The following RUFY1 variants were observed in gnomAD, a reference collection of about 807,000 sequenced individuals.
RUFY1 encodes RUN and FYVE domain-containing protein 1.
In RUFY1, 54 loss-of-function variants were observed where a neutral mutation model predicts 94.6. The ratio of observed to expected loss-of-function variants is 0.57; its 90% CI spans 0.46 to 0.72. The LOEUF is 0.72. Ranked by LOEUF, RUFY1 falls within the 30% of genes least tolerant of loss-of-function variation. The pLI is 0.00. For synonymous variants in RUFY1, 396 were observed against 347.3 expected, an observed-to-expected ratio of 1.14 and a Z score of -1.56; for missense variants, 883 against 883.9, an observed-to-expected ratio of 1.00 and a Z score of 0.01.
rs1362968100 is a variant in RUFY1, at chr5:179,550,778, C to G, written c.209C>G (p.Ala70Gly). 1.2e-5 allele frequency: 16 copies of G among 1,385,578 alleles called. No individual in the cohort carries two copies. Among genetic ancestry groups the G allele is most frequent in the South Asian group, 1.5e-5 (1 of 65,112 alleles). The allele number at this position is 1,385,578 out of a possible 1,614,324, so 85.8% of individuals were successfully genotyped here. A position where few individuals can be genotyped will look rare whatever the true frequency, so the allele number is the denominator to read the frequency against. ...TGGTCGGCGCCCATCCTGACCCTGGCACGCAGGGCCACCGGGAACCTGTCG... is the reference window on the plus strand; with the variant it reads ...TGGTCGGCGCCCATCCTGACCCTGGGACGCAGGGCCACCGGGAACCTGTCG... ...EGWSAPILTLARRATGNLSAS... is the reference protein window; with the variant it reads ...EGWSAPILTLGRRATGNLSAS... The change falls in exon 1 of 18, where the codon GCA becomes GGA. Residue 70 changes from alanine (A) to glycine (G), a missense_variant. Ala to Gly is a moderately conservative substitution (Grantham distance 60, BLOSUM62 0). Transcript: ENST00000319449.
At chr5:179,593,072 T>C (rs28639796) in intron 10 of RUFY1, among the ~76,000 whole-genome samples, 13,129 of 152,070 alleles carry the variant, frequency 0.086, 1,753 homozygotes, top group East Asian at 0.63. Flanking sequence ...TTCAGTTTGT[T>C]TGTTTTGTTT....
intron 7 of RUFY1, among the ~76,000 whole-genome samples, chr5:179,584,756 T>C (rs1764460568): frequency 1.3e-5 from 2 of 149,450 alleles, no homozygotes; most frequent in South Asian, 2.2e-4. Context: ...AGCAAGACCC[T>C]GTTTCAAAAA....
chr5:179,569,745 TTTG>T (rs148539612), intron 5 of RUFY1, among the ~76,000 whole-genome samples: 13,474 of 151,882 alleles, frequency 0.089, 674 homozygotes, highest in Middle Eastern at 0.13. Context: ...GTGTAGCTTT[TTTG>T]TTGTTGTTTT....
At chr5:179,560,520 C>T (rs1762366947) in intron 2 of RUFY1, among the ~76,000 whole-genome samples, 3 of 150,860 alleles carry the variant, frequency 2.0e-5, no homozygotes, top group Admixed American at 1.3e-4. Flanking sequence ...GATATCGAGA[C>T]CATCCTGGCT....
rs6883330 is a variant in RUFY1, at chr5:179,575,560, C to A, written c.829-1515C>A. ...TTTTAACCTAGCTGCAGAAGTCACA[C>A]GGCATCATTTCTACTGCATTTTACT... On this transcript the variant is annotated intron_variant, in intron 5 of 17. Transcript: ENST00000319449. Among the ~76,000 whole-genome samples, 1,386 of 152,210 alleles carry A rather than the reference C, an allele frequency of 9.1e-3. 24 individuals carry two copies. The highest frequency in any genetic ancestry group is 0.03 in the African/African-American group (1,236 of 41,522).
At position 179,560,058 on chromosome 5, in the gene RUFY1, A is replaced by T. The variant is rs757645958; in HGVS notation, c.344A>T (p.Asn115Ile). ...SKCQMMEERA[N>I]LMHMMKLSIK... is the part of the protein sequence containing the mutation. Reference sequence around the variant, plus strand: ...TGCCAGATGATGGAGGAGCGTGCCAACCTGATGCACATGATGAAACTCAGC... The same window carrying T: ...TGCCAGATGATGGAGGAGCGTGCCATCCTGATGCACATGATGAAACTCAGC... The change falls in exon 2 of 18, where the codon AAC becomes ATC. Residue 115 changes from asparagine (N) to isoleucine (I), a missense_variant. Asn to Ile is a moderately radical substitution (Grantham distance 149). Transcript: ENST00000319449. The T allele has an allele frequency of 1.2e-6, 2 of 1,613,816 alleles. No individual in the cohort carries two copies. Among genetic ancestry groups the T allele is most frequent in the Non-Finnish European group, 1.7e-6 (2 of 1,179,992 alleles).
chr5:179,579,657 C>CTTCTTTTTTTTTTTTTTTTTTTTTTT (rs1433456916), intron 6 of RUFY1, among the ~76,000 whole-genome samples: 2 of 50,548 alleles, frequency 4.0e-5, no homozygotes, highest in African/African-American at 6.1e-5. Flanking sequence ...TTTTCTTCTT[C>CTTCTTTTTTTTTTTTTTTTTTTTTTT]TTTTTTTTTT....
chr5:179,600,153 A>G (rs1201553432), intron 14 of RUFY1: 1 of 152,264 alleles, frequency 6.6e-6, no homozygotes, highest in Non-Finnish European at 1.5e-5. Context: ...TAGGAACAAA[A>G]CAATGTCTAA....
chr5:179,601,519 A>T (rs1289408364), intron 14 of RUFY1, among the ~76,000 whole-genome samples: 7 of 149,572 alleles, frequency 4.7e-5, no homozygotes, highest in African/African-American at 1.7e-4. Context: ...CTGGTTGCTG[A>T]ATCTTTTTTT....
chr5:179,609,543 C>G lies in RUFY1; in HGVS notation c.*24C>G. 6.3e-7 allele frequency: 1 copy of G among 1,578,106 alleles called. No individual in the cohort carries two copies. The highest frequency in any genetic ancestry group is 8.6e-7 in the Non-Finnish European group (1 of 1,166,758). On this transcript the variant is annotated 3_prime_UTR_variant, in exon 18 of 18. Coordinates refer to ENST00000319449, the MANE Select transcript of RUFY1 (RefSeq NM_025158.5). ...GAACGTCCGTCCTCAGGAGCACAGC[C>G]TCACGGACAGTGCCAAACCCTGTGG...
At chr5:179,575,268 G>A (rs1427449143) in intron 5 of RUFY1, among the ~76,000 whole-genome samples, 1 of 152,016 alleles carries the variant, frequency 6.6e-6, no homozygotes, top group East Asian at 1.9e-4. Context: ...TCAGCTAGTC[G>A]GTTCTTGTTC....
chr5:179,607,985 G>A (rs551210817), intron 17 of RUFY1, among the ~76,000 whole-genome samples: 1 of 152,186 alleles, frequency 6.6e-6, no homozygotes, highest in African/African-American at 2.4e-5. Context: ...TCTGTATGCG[G>A]CAGGAACAAA....
chr5:179,569,412 A>G lies in RUFY1; in HGVS notation c.815A>G (p.Asp272Gly). ...LDANLCLKGE[D>G]LDSQVGVIDF... is the part of the protein sequence containing the mutation. ...GCCAATCTCTGCTTGAAAGGAGAAG[A>G]CTTGGATTCTCAGGTAAAATGAAAT... Residue 272 changes from aspartate to glycine, a missense_variant, in exon 5 of 18, where the codon GAC (aspartate) becomes GGC (glycine). By Grantham distance (94) the Asp-to-Gly change is moderately conservative (BLOSUM62 -1). Transcript: ENST00000319449. The G allele has an allele frequency of 6.2e-7, 1 of 1,613,292 alleles. No homozygotes were observed. Among genetic ancestry groups the G allele is most frequent in the Non-Finnish European group, 8.5e-7 (1 of 1,179,880 alleles).
chr5:179,595,115 G>A (rs538469820), intron 12 of RUFY1, 152 bp downstream of exon 12: 4 of 591,292 alleles, frequency 6.8e-6, no homozygotes, highest in Non-Finnish European at 1.2e-5. Flanking sequence ...GGCCGACGCG[G>A]GAGGATCACT....
At chr5:179,553,316 G>A (rs550473563) in intron 1 of RUFY1, among the ~76,000 whole-genome samples, 10 of 152,298 alleles carry the variant, frequency 6.6e-5, no homozygotes, top group African/African-American at 1.9e-4. Flanking sequence ...CTGTAGTAAG[G>A]GGGAGTCTGA....
intron 16 of RUFY1, chr5:179,607,277 A>G: frequency 2.4e-6 from 1 of 414,336 alleles, no homozygotes. Flanking sequence ...TACTTCAGCC[A>G]AAGGGAACTG....
chr5:179,566,681 T>C (rs1762856769), intron 3 of RUFY1, among the ~76,000 whole-genome samples: 1 of 152,002 alleles, frequency 6.6e-6, no homozygotes, highest in Admixed American at 6.6e-5. Flanking sequence ...TTAACACTAC[T>C]TAACTGTAAG....
chr5:179,577,219 TG>T, intron 6 of RUFY1, 83 bp downstream of exon 6: 1 of 811,100 alleles, frequency 1.2e-6, no homozygotes, highest in Non-Finnish European at 1.9e-6. Flanking sequence ...TCGCCCAGGC[TG>T]GAGTCCAGTG....
At chr5:179,575,226 CTG>C (rs1344127332) in intron 5 of RUFY1, among the ~76,000 whole-genome samples, 1 of 152,178 alleles carries the variant, frequency 6.6e-6, no homozygotes, top group Non-Finnish European at 1.5e-5. Flanking sequence ...ATAACAATCA[CTG>C]TATCTTTCAC....
Sources: gnomAD v4.1 joint callset for allele counts (sites outside exome capture counted in the v4.1 genomes callset) on GRCh38, gnomAD v4.1.1 for gene constraint, MANE v1.5 for transcripts, NCBI Gene and HGNC (gene_info 2026-07-23, HGNC 2026-07-21) for gene names.